The following ZNF479 variants were observed in gnomAD, a reference collection of about 807,000 sequenced individuals.
ZNF479 encodes the protein zinc finger protein 479.
In ZNF479, 15 loss-of-function variants were observed where a neutral mutation model predicts 14.7. The ratio of observed to expected loss-of-function variants is 1.02; its 90% confidence interval spans 0.68 to 1.57. The LOEUF (loss-of-function observed/expected upper bound fraction) is 1.57. Ranked by LOEUF, ZNF479 falls within the 40% of genes most tolerant of loss-of-function variation. ZNF479 has a pLI of 0.00. For synonymous variants in ZNF479, 145 were observed against 211.5 expected (o/e 0.69, Z 2.73); for missense variants, 506 against 615.1 (o/e 0.82, Z 1.88).
intron 3 of ZNF479, among the ~76,000 whole-genome samples, chr7:57,123,508 G>A (rs990610835): frequency 1.1e-4 from 17 of 152,174 alleles, no homozygotes; most frequent in African/African-American, 3.4e-4. Flanking sequence ...TGCACCTGGT[G>A]CGTTCTGTTA....
intron 3 of ZNF479, among the ~76,000 whole-genome samples, chr7:57,125,268 G>A (rs981584957): frequency 6.6e-6 from 1 of 152,026 alleles, no homozygotes; most frequent in African/African-American, 2.4e-5. Flanking sequence ...AACTGTTGAT[G>A]ATGTAAAGAA....
intron 3 of ZNF479, among the ~76,000 whole-genome samples, chr7:57,121,481 T>G (rs1785948048): frequency 1.3e-5 from 2 of 152,174 alleles, no homozygotes; most frequent in Non-Finnish European, 2.9e-5. Context: ...AATAACAGCT[T>G]TAAGTCTTCT....
intron 1 of ZNF479, among the ~76,000 whole-genome samples, chr7:57,128,772 A>G (rs978143082): frequency 2.0e-5 from 3 of 152,240 alleles, no homozygotes; most frequent in Non-Finnish European, 4.4e-5. Flanking sequence ...CAAGTAGAGA[A>G]GTAAAAATTT....
In ZNF479 at chr7:57,128,174, C is replaced by T. The variant is rs181575652; in HGVS notation, c.40-1456G>A. Among the ~76,000 whole-genome samples, 334 of 152,040 alleles carry T rather than the reference C, an allele frequency of 2.2e-3. 6 individuals are homozygous for T. Among genetic ancestry groups the T allele is most frequent in the African/African-American group, 3.3e-3 (137 of 41,484 alleles). On this transcript the variant is annotated intron_variant, in intron 1 of 3. Transcript: ENST00000319636. ...GGCTGGCCTTGAACTCCTGACCTCA[C>T]GTGATCCACCTGCCTCGGCCTCCCA...
chr7:57,127,922 A>ATT (rs1786243617), intron 1 of ZNF479, among the ~76,000 whole-genome samples: 4 of 128,358 alleles, frequency 3.1e-5, no homozygotes, highest in Admixed American at 8.7e-5. Flanking sequence ...ATTTAATTTT[A>ATT]TTATATATAT....
rs141606576 is a variant in ZNF479 at position 57,127,125 on chromosome 7, C to T, written c.40-407G>A. ...GCAACCTCCACCTCCAGGGTTCAAT[C>T]GATTCTCCTGCCTCAGCCTCCTGGG... On this transcript the variant is annotated intron_variant, in intron 1 of 3. Transcript: ENST00000319636. Among the ~76,000 whole-genome samples, 1,027 of 147,688 alleles carry T rather than the reference C, an allele frequency of 7.0e-3. 10 individuals are homozygous for T. Among genetic ancestry groups the T allele is most frequent in the African/African-American group, 0.024 (957 of 40,502 alleles).
chr7:57,124,932 G>A (rs1355121196), intron 3 of ZNF479, among the ~76,000 whole-genome samples: 2 of 152,066 alleles, frequency 1.3e-5, no homozygotes, highest in African/African-American at 2.4e-5. Context: ...AATTAGCTGG[G>A]TGTGGTGGCA....
upstream of ZNF479, among the ~76,000 whole-genome samples, chr7:57,133,347 G>T (rs1394046177): frequency 6.6e-6 from 1 of 151,920 alleles, no homozygotes; most frequent in African/African-American, 2.4e-5. Context: ...TTCTGTCATG[G>T]TCATGAATTT....
intron 1 of ZNF479, among the ~76,000 whole-genome samples, chr7:57,129,639 G>A (rs1786332263): frequency 6.6e-6 from 1 of 152,172 alleles, no homozygotes; most frequent in African/African-American, 2.4e-5. Flanking sequence ...AGCAGGTATT[G>A]TGTGCTCAGG....
At chr7:57,133,529 T>C (rs1283957143), upstream of ZNF479, among the ~76,000 whole-genome samples, 1 of 152,186 alleles carries the variant, frequency 6.6e-6, no homozygotes, top group East Asian at 1.9e-4. Flanking sequence ...ATAAGCCACA[T>C]GTAAATTTTG....
intron 1 of ZNF479, among the ~76,000 whole-genome samples, chr7:57,137,870 G>C (rs1038814271): frequency 6.6e-6 from 1 of 152,152 alleles, no homozygotes; most frequent in Non-Finnish European, 1.5e-5. Context: ...GGGTTACTGC[G>C]AGATATCTTT....
In ZNF479 at chr7:57,126,657, T is replaced by A; in HGVS notation, c.101A>T (p.Asp34Val). Residue 34 changes from aspartate (D) to valine (V), a missense_variant, in exon 2 of 4, where the codon GAT becomes GTT. Asp to Val is a radical substitution (Grantham distance 152). This residue lies in a region of ZNF479 where 420 missense variants were observed against 474.2 expected (regional missense o/e 0.89). Transcript: ENST00000319636. ...EFSLEEWQCL[D>V]CAQRNLYRDV... is the part of the protein sequence containing the mutation. Reference sequence around the variant, plus strand: ...TCTATATAAATTCCGCTGAGCACAATCCAGGCATTGCCATTCCTCCAGAGA... The same window carrying A: ...TCTATATAAATTCCGCTGAGCACAAACCAGGCATTGCCATTCCTCCAGAGA... The A allele has an allele frequency of 6.2e-7, 1 of 1,613,650 alleles. No individual in the cohort carries two copies. Among genetic ancestry groups the A allele is most frequent in the Non-Finnish European group, 8.5e-7 (1 of 1,179,642 alleles).
chr7:57,133,983 A>G (rs1786539162), upstream of ZNF479, among the ~76,000 whole-genome samples: 1 of 152,262 alleles, frequency 6.6e-6, no homozygotes, highest in South Asian at 2.1e-4. Context: ...TGGTTAATAA[A>G]GCATATACAT....
upstream of ZNF479, among the ~76,000 whole-genome samples, chr7:57,135,851 A>G (rs1786622379): frequency 6.6e-6 from 1 of 152,136 alleles, no homozygotes; most frequent in African/African-American, 2.4e-5. Context: ...ACTGCAAAAA[A>G]GATTCTTTCA....
chr7:57,135,973 A>ATCTC (rs57853604), upstream of ZNF479, among the ~76,000 whole-genome samples: 8,120 of 124,814 alleles, frequency 0.065, 323 homozygotes, highest in Middle Eastern at 0.094. Context: ...CTCTCTCTCA[A>ATCTC]TCTCTCTCTC....
rs1554400058 is a variant in ZNF479 at position 57,120,388 on chromosome 7, G to A, written c.1027C>T (p.His343Tyr). 4 of 1,613,490 alleles carry A rather than the reference G, an allele frequency of 2.5e-6. No individual in the cohort carries two copies. In the South Asian group the frequency reaches 4.4e-5, roughly 18 times the overall value. Residue 343 changes from histidine to tyrosine, a missense_variant, in exon 4 of 4, where the codon CAT (histidine) becomes TAT (tyrosine). His to Tyr is a moderately conservative substitution (Grantham distance 83). This residue lies in a region of ZNF479 where 420 missense variants were observed against 474.2 expected (regional missense o/e 0.89). Transcript: ENST00000319636. ...TTCTCTCTAGTATGAATTCTCTTAT[G>A]TCTAGTAAGGTTTGAGGACCAGCTA... ...AFSWSSNLTR[H>Y]KRIHTREKPY... is the part of the protein sequence containing the mutation.
chr7:57,136,429 AAAC>A (rs200963324), upstream of ZNF479, among the ~76,000 whole-genome samples: 2,847 of 152,090 alleles, frequency 0.019, 115 homozygotes, highest in African/African-American at 0.064. Context: ...TCCCTGAAAC[AAAC>A]AACAACAACA....
chr7:57,135,998 T>G (rs1379170553), upstream of ZNF479, among the ~76,000 whole-genome samples: 12 of 151,162 alleles, frequency 7.9e-5, no homozygotes, highest in Admixed American at 7.9e-4. Flanking sequence ...TCTCTCTCTC[T>G]CTCTCTCTCT....
Position 57,118,704 on chromosome 7 carries a change from TTGAG to T in ZNF479, c.*1132_*1135del, listed in dbSNP as rs112354140. On this transcript the variant is annotated 3_prime_UTR_variant, in exon 4 of 4. Transcript: ENST00000319636. ...TTTATTAAGTATAAACTTTCTGATA[TTGAG>T]TAAGATGTGACCTGATATTAATGGT... Among the ~76,000 whole-genome samples, 807 of 152,320 alleles carry T rather than the reference TTGAG, an allele frequency of 5.3e-3. 8 individuals carry two copies. The highest frequency in any genetic ancestry group is 0.019 in the African/African-American group (774 of 41,576).
Sources: gnomAD v4.1 joint callset for allele counts (sites outside exome capture counted in the v4.1 genomes callset) on GRCh38, gnomAD v4.1.1 for gene constraint, gnomAD v4.1.1 regional missense constraint, MANE v1.5 for transcripts, NCBI Gene and HGNC (gene_info 2026-07-23, HGNC 2026-07-21) for gene names.